Variants in PTPRN2 observed in about 807,000 individuals in gnomAD.
PTPRN2 encodes the protein protein tyrosine phosphatase receptor type N2.
PTPRN2 carries 74 observed loss-of-function variants against 118.8 expected under a neutral mutation model. The observed-to-expected ratio is 0.62, with a 90% CI of 0.52 to 0.76. The LOEUF is 0.76. PTPRN2 is among the 30% of genes least tolerant of loss of function. PTPRN2 has a pLI of 0.00. For synonymous variants in PTPRN2, 641 were observed against 608.0 expected, an observed-to-expected ratio of 1.05 and a Z score of -0.80; for missense variants, 1,481 against 1,394.4, an observed-to-expected ratio of 1.06 and a Z score of -0.99.
chr7:158,451,234 A>G (rs1418596071), intron 2 of PTPRN2, among the ~76,000 whole-genome samples: 1 of 152,190 alleles, frequency 6.6e-6, no homozygotes, highest in East Asian at 1.9e-4. Context: ...TTTGAACGTG[A>G]GATCTTTGTC....
At chr7:157,829,533 G>A (rs1250742777) in intron 12 of PTPRN2, among the ~76,000 whole-genome samples, 3 of 152,234 alleles carry the variant, frequency 2.0e-5, no homozygotes, top group Non-Finnish European at 2.9e-5. Context: ...GCTAAACGGC[G>A]TGAAAGCCTC....
chr7:158,448,542 G>A (rs761238052), intron 2 of PTPRN2, among the ~76,000 whole-genome samples: 10 of 152,120 alleles, frequency 6.6e-5, no homozygotes, highest in South Asian at 2.1e-4. Context: ...CTTCACTGGC[G>A]CCTGATGCTG....
At chr7:158,533,599 G>A (rs57121296) in intron 1 of PTPRN2, among the ~76,000 whole-genome samples, 68,540 of 152,006 alleles carry the variant, frequency 0.45, 15,868 homozygotes, top group South Asian at 0.67. Flanking sequence ...CAGAGGGGAC[G>A]TCCCGCAGAG....
intron 11 of PTPRN2, among the ~76,000 whole-genome samples, chr7:158,044,897 A>C (rs1388044127): frequency 1.3e-5 from 2 of 152,244 alleles, no homozygotes; most frequent in Admixed American, 6.5e-5. Flanking sequence ...CACCAGGAGG[A>C]GCATCACAGA....
rs184790432 is a variant in PTPRN2, at chr7:158,093,293, C to T, written c.1644-11916G>A. On this transcript the variant is annotated intron_variant, in intron 10 of 22. Coordinates refer to ENST00000389418, the MANE Select transcript of PTPRN2 (RefSeq NM_002847.5). The surrounding 1 kb of genome is among the most constrained non-coding windows in gnomAD (Gnocchi z 4.4). ...CTGACTCTGCCGCTGGACCGACCCCCACACTGTAGACCCACACGCAGGCCT... is the reference window on the plus strand; with the variant it reads ...CTGACTCTGCCGCTGGACCGACCCCTACACTGTAGACCCACACGCAGGCCT... 1.2e-3 allele frequency among the ~76,000 whole-genome samples: 185 copies of T among 148,902 alleles called. 4 individuals are homozygous for T. Among genetic ancestry groups the T allele is most frequent in the African/African-American group, 4.2e-3 (169 of 39,880 alleles).
intron 14 of PTPRN2, among the ~76,000 whole-genome samples, chr7:157,634,625 T>G (rs1447262917): frequency 6.6e-6 from 1 of 152,088 alleles, no homozygotes; most frequent in African/African-American, 2.4e-5. Flanking sequence ...TGGGAGTGAA[T>G]TATCCCCCAC....
At chr7:158,145,625 G>A (rs541026342) in intron 6 of PTPRN2, among the ~76,000 whole-genome samples, 10 of 152,360 alleles carry the variant, frequency 6.6e-5, no homozygotes, top group Middle Eastern at 3.4e-3. Context: ...GGCCAGGCTT[G>A]GCGTGGAGCT....
chr7:158,148,447 T>C (rs1380381460), intron 6 of PTPRN2, among the ~76,000 whole-genome samples: 2 of 122,606 alleles, frequency 1.6e-5, no homozygotes, highest in African/African-American at 3.4e-5. Flanking sequence ...TGACACCCCA[T>C]CTCATGCCAC....
At chr7:158,151,903 G>T (rs943402014) in intron 6 of PTPRN2, among the ~76,000 whole-genome samples, 5 of 152,226 alleles carry the variant, frequency 3.3e-5, no homozygotes, top group Non-Finnish European at 7.3e-5. Flanking sequence ...GCCGGGCGCG[G>T]TGGCTCACGC....
chr7:157,646,771 T>C (rs1805107423), intron 14 of PTPRN2, among the ~76,000 whole-genome samples: 1 of 152,246 alleles, frequency 6.6e-6, no homozygotes, highest in African/African-American at 2.4e-5. Flanking sequence ...CAAGTTAGGG[T>C]GTGAGGACGG....
At chr7:158,049,361 A>C (rs1809159685) in intron 11 of PTPRN2, among the ~76,000 whole-genome samples, 3 of 152,080 alleles carry the variant, frequency 2.0e-5, no homozygotes, top group Admixed American at 2.0e-4. Flanking sequence ...CCTCTCTGCT[A>C]CACTGGTGGG....
At chr7:157,895,216 G>C (rs547533909) in intron 12 of PTPRN2, among the ~76,000 whole-genome samples, 2 of 152,030 alleles carry the variant, frequency 1.3e-5, no homozygotes, top group Admixed American at 1.3e-4. Flanking sequence ...ATAAGCCAGA[G>C]GATCTGGACG....
intron 21 of PTPRN2, among the ~76,000 whole-genome samples, chr7:157,555,525 C>T (rs996792837): frequency 5.3e-5 from 8 of 152,170 alleles, no homozygotes; most frequent in African/African-American, 1.7e-4. Context: ...ACAGTGAACA[C>T]GGACGGATGG....
intron 3 of PTPRN2, among the ~76,000 whole-genome samples, chr7:158,272,765 G>A (rs1435932056): frequency 3.3e-5 from 5 of 152,202 alleles, no homozygotes; most frequent in African/African-American, 1.2e-4. Context: ...GCAGAGTGAG[G>A]TGAAACCAGG....
chr7:157,568,497 C>T (rs1274319629), intron 21 of PTPRN2, among the ~76,000 whole-genome samples: 1 of 152,122 alleles, frequency 6.6e-6, no homozygotes, highest in Non-Finnish European at 1.5e-5. Context: ...AGTGGAGTTA[C>T]ACCAAATACT....
In PTPRN2 at chr7:158,138,337, C is replaced by G; in HGVS notation, c.1089G>C (p.Gln363His). 6.2e-7 allele frequency: 1 copy of G among 1,613,722 alleles called. No individual in the cohort carries two copies. The highest frequency in any genetic ancestry group is 8.5e-7 in the Non-Finnish European group (1 of 1,180,022). ...GRAALGESGE[Q>H]ADGPKATLRG... ...GGAGGGTGGCCTTGGGGCCATCCGCCTGTTCTCCAGACTCTCCCAGGGCCG... is the reference window on the plus strand; with the variant it reads ...GGAGGGTGGCCTTGGGGCCATCCGCGTGTTCTCCAGACTCTCCCAGGGCCG... Residue 363 changes from glutamine (Q) to histidine (H), a missense_variant, in exon 7 of 23, where the codon CAG becomes CAC. Around this residue, in one of 3 missense-constraint regions of PTPRN2, gnomAD observed 1,115 missense variants for 994.2 expected, o/e 1.12. Coordinates refer to ENST00000389418, the MANE Select transcript of PTPRN2 (RefSeq NM_002847.5).
At chr7:158,542,153 T>G (rs1363838273) in intron 1 of PTPRN2, among the ~76,000 whole-genome samples, 1 of 152,056 alleles carries the variant, frequency 6.6e-6, no homozygotes, top group Non-Finnish European at 1.5e-5. Context: ...TTGTTGTTGT[T>G]TTGTGTTTTT....
intron 12 of PTPRN2, among the ~76,000 whole-genome samples, chr7:157,747,138 T>C (rs1585364055): frequency 1.5e-5 from 2 of 137,464 alleles, no homozygotes; most frequent in South Asian, 2.5e-4. Context: ...CCCTGAGCTG[T>C]GGGCTGTTGA....
intron 5 of PTPRN2, among the ~76,000 whole-genome samples, chr7:158,189,485 C>T (rs986451338): frequency 7.9e-5 from 12 of 152,326 alleles, no homozygotes; most frequent in African/African-American, 1.4e-4. Context: ...TCCAAGGCTA[C>T]GCTCCTGCCT....
Sources: gnomAD v4.1 joint callset for allele counts (sites outside exome capture counted in the v4.1 genomes callset) on GRCh38, gnomAD v4.1.1 for gene constraint, gnomAD v4.1.1 regional missense constraint, Gnocchi (gnomAD v3.1) non-coding constraint, MANE v1.5 for transcripts, NCBI Gene and HGNC (gene_info 2026-07-23, HGNC 2026-07-21) for gene names.